Variants in GPC6 observed in about 807,000 individuals in gnomAD.
The protein encoded by GPC6 is glypican 6.
Under a neutral mutation model 55.2 loss-of-function variants are expected in GPC6, and 14 were observed. The observed-to-expected ratio is 0.25, with a 90% CI of 0.17 to 0.40. The LOEUF is 0.40. Ranked by LOEUF, GPC6 falls within the 10% of genes least tolerant of loss-of-function variation. GPC6 has a pLI of 1.00. For synonymous variants in GPC6, 278 were observed against 259.6 expected, an observed-to-expected ratio of 1.07 and a Z score of -0.68; for missense variants, 641 against 708.5, an observed-to-expected ratio of 0.90 and a Z score of 1.08.
At chr13:93,479,608 A>AT (rs1555303824) in intron 1 of GPC6, among the ~76,000 whole-genome samples, 1 of 140,980 alleles carries the variant, frequency 7.1e-6, no homozygotes, top group Admixed American at 7.2e-5. Flanking sequence ...ACGTGGTGAG[A>AT]CCCCCCCCCA....
chr13:93,964,202 G>C (rs1879913633), intron 3 of GPC6, among the ~76,000 whole-genome samples: 1 of 152,170 alleles, frequency 6.6e-6, no homozygotes, highest in Non-Finnish European at 1.5e-5. Context: ...AGGAATTTCA[G>C]GTTTAGCTGT....
At chr13:93,817,370 C>A (rs772541289) in intron 2 of GPC6, among the ~76,000 whole-genome samples, 17 of 151,894 alleles carry the variant, frequency 1.1e-4, no homozygotes, top group Non-Finnish European at 1.2e-4. Context: ...TTTTCAAATC[C>A]TTTTTCATTT....
chr13:93,222,268 A>C (rs1875646130), upstream of GPC6, among the ~76,000 whole-genome samples: 1 of 152,194 alleles, frequency 6.6e-6, no homozygotes, highest in South Asian at 2.1e-4. Flanking sequence ...GAAAACATGA[A>C]AAATGCAGAT....
At chr13:93,949,692 A>G (rs1472439963) in intron 3 of GPC6, among the ~76,000 whole-genome samples, 1 of 152,118 alleles carries the variant, frequency 6.6e-6, no homozygotes, top group African/African-American at 2.4e-5. Context: ...GGAGAGGGCA[A>G]TGGGGAATTG....
intron 4 of GPC6, among the ~76,000 whole-genome samples, chr13:94,076,447 G>A (rs1043144785): frequency 1.3e-5 from 2 of 151,866 alleles, no homozygotes; most frequent in Admixed American, 6.6e-5. Context: ...TCTTCACTCT[G>A]CTCACTGTTT....
chr13:94,090,196 G>T (rs1036053448), intron 4 of GPC6, among the ~76,000 whole-genome samples: 1 of 152,112 alleles, frequency 6.6e-6, no homozygotes, highest in Admixed American at 6.6e-5. Context: ...AAGAGAATGT[G>T]TGCAGGGGAA....
intron 2 of GPC6, among the ~76,000 whole-genome samples, chr13:93,653,696 G>T (rs376459681): frequency 6.6e-6 from 1 of 151,648 alleles, no homozygotes; most frequent in South Asian, 2.1e-4. Flanking sequence ...GGAAGTTAAA[G>T]TTTACTGTCA....
At chr13:94,018,162 A>G (rs778690722) in intron 3 of GPC6, among the ~76,000 whole-genome samples, 1 of 152,120 alleles carries the variant, frequency 6.6e-6, no homozygotes, top group East Asian at 1.9e-4. Context: ...TCTTTTCTGC[A>G]TAATTTAGAT....
chr13:93,497,780 A>C (rs1477422038), intron 1 of GPC6, among the ~76,000 whole-genome samples: 1 of 152,268 alleles, frequency 6.6e-6, no homozygotes, highest in African/African-American at 2.4e-5. Context: ...TGAACCATAG[A>C]ACCAGTAATG....
chr13:93,443,847 T>A (rs916402650), intron 1 of GPC6, among the ~76,000 whole-genome samples: 4 of 150,324 alleles, frequency 2.7e-5, no homozygotes, highest in Admixed American at 6.6e-5. Flanking sequence ...TAGAAAAGTA[T>A]CTGTGATGTT....
intron 1 of GPC6, among the ~76,000 whole-genome samples, chr13:93,468,635 A>G (rs1372150067): frequency 6.6e-6 from 1 of 152,136 alleles, no homozygotes; most frequent in South Asian, 2.1e-4. Context: ...CACAAGTGTG[A>G]TATTCAGCAA....
intron 7 of GPC6, among the ~76,000 whole-genome samples, chr13:94,397,914 G>A (rs903905978): frequency 3.9e-5 from 6 of 152,110 alleles, no homozygotes; most frequent in African/African-American, 1.4e-4. Flanking sequence ...GAATCATGGG[G>A]GCTGTTACCC....
chr13:93,326,866 G>C (rs1340084180), intron 1 of GPC6, among the ~76,000 whole-genome samples: 1 of 152,158 alleles, frequency 6.6e-6, no homozygotes, highest in African/African-American at 2.4e-5. Flanking sequence ...TGTAGTGTCT[G>C]TTGCCTGAGG....
chr13:94,382,588 G>A (rs1051940615), intron 7 of GPC6, 38 bp downstream of exon 7: 1 of 1,612,564 alleles, frequency 6.2e-7, no homozygotes, highest in Admixed American at 1.7e-5. Context: ...TGGGGGCACA[G>A]CACACCCAGC....
At chr13:93,751,257 A>C (rs1231663089) in intron 2 of GPC6, among the ~76,000 whole-genome samples, 2 of 152,186 alleles carry the variant, frequency 1.3e-5, no homozygotes, top group African/African-American at 4.8e-5. Context: ...TCTCCTCCTG[A>C]AATCAGAGGA....
intron 1 of GPC6, among the ~76,000 whole-genome samples, chr13:93,461,136 C>T (rs2028789): frequency 0.17 from 26,383 of 151,790 alleles, 2,849 homozygotes; most frequent in East Asian, 0.48. Context: ...ATTTTTTTAT[C>T]GTAAAATGTA....
chr13:93,553,414 C>T (rs573841178), intron 2 of GPC6, among the ~76,000 whole-genome samples: 1 of 151,684 alleles, frequency 6.6e-6, no homozygotes, highest in Non-Finnish European at 1.5e-5. Flanking sequence ...TGAGATGGGC[C>T]AGGCGCAGTG....
intron 4 of GPC6, among the ~76,000 whole-genome samples, chr13:94,157,688 G>A (rs1888002779): frequency 6.6e-6 from 1 of 152,158 alleles, no homozygotes; most frequent in Non-Finnish European, 1.5e-5. Flanking sequence ...TGGAGGAGGA[G>A]ACTGGTTTGA....
chr13:93,548,479 T>C (rs1047313095), intron 2 of GPC6, among the ~76,000 whole-genome samples: 3 of 152,204 alleles, frequency 2.0e-5, no homozygotes, highest in Admixed American at 2.0e-4. Context: ...GTATGAGAAA[T>C]GCTTTGATTC....
Sources: gnomAD v4.1 joint callset for allele counts (sites outside exome capture counted in the v4.1 genomes callset) on GRCh38, gnomAD v4.1.1 for gene constraint, MANE v1.5 for transcripts, NCBI Gene and HGNC (gene_info 2026-07-23, HGNC 2026-07-21) for gene names.